Variants in GRIK2 observed in about 807,000 individuals in gnomAD.
The protein encoded by GRIK2 is glutamate receptor ionotropic, kainate 2.
GRIK2 carries 32 observed loss-of-function variants against 100.3 expected under a neutral mutation model. The observed-to-expected ratio is 0.32, with a 90% CI of 0.24 to 0.43. The LOEUF is 0.43. GRIK2 is among the 20% of genes least tolerant of loss of function. The pLI is 1.00. For missense variants in GRIK2, 843 were observed against 1,114.9 expected (o/e 0.76, Z 3.47); for synonymous variants, 417 against 389.4 (o/e 1.07, Z -0.83).
chr6:101,457,362 T>C (rs918699411), intron 2 of GRIK2, among the ~76,000 whole-genome samples: 1 of 152,132 alleles, frequency 6.6e-6, no homozygotes, highest in Non-Finnish European at 1.5e-5. Flanking sequence ...TTCATGTGCA[T>C]TTAGTGGTGT....
chr6:102,058,766 AT>A (rs1771597288), intron 16 of GRIK2, among the ~76,000 whole-genome samples: 1 of 151,516 alleles, frequency 6.6e-6, no homozygotes, highest in Non-Finnish European at 1.5e-5. Flanking sequence ...TGTGAGATCC[AT>A]TATTTACTCA....
At chr6:102,022,557 CA>C (rs1769484389) in intron 14 of GRIK2, among the ~76,000 whole-genome samples, 1 of 151,680 alleles carries the variant, frequency 6.6e-6, no homozygotes, top group Middle Eastern at 3.4e-3. Flanking sequence ...TATCTTAATG[CA>C]AAAGAAATTG....
At chr6:101,826,322 A>G (rs1782326972) in intron 10 of GRIK2, among the ~76,000 whole-genome samples, 1 of 152,080 alleles carries the variant, frequency 6.6e-6, no homozygotes, top group African/African-American at 2.4e-5. Flanking sequence ...AAAACTAAGT[A>G]TAAGGTTTCT....
In GRIK2 at chr6:101,611,235, A is replaced by AT. The variant is rs529587753; in HGVS notation, c.116-10714_116-10713insT. Among the ~76,000 whole-genome samples, 660 of 151,988 alleles carry AT rather than the reference A, an allele frequency of 4.3e-3. 6 individuals carry two copies. Among genetic ancestry groups the AT allele is most frequent in the African/African-American group, 0.015 (638 of 41,536 alleles). ...GCCAGAAAACAACCAATCTTTGTCA[A>AT]GGGGCTATTACACTATTTCCTGCAA... is the stretch of plus-strand genomic sequence containing the variant. On this transcript the variant is annotated intron_variant, in intron 2 of 16. Coordinates refer to ENST00000369134, the MANE Select transcript of GRIK2 (RefSeq NM_021956.5).
chr6:101,541,504 G>C (rs1368987338), intron 2 of GRIK2, among the ~76,000 whole-genome samples: 1 of 151,700 alleles, frequency 6.6e-6, no homozygotes, highest in Non-Finnish European at 1.5e-5. Context: ...AGATAAAACA[G>C]TTAGTAATTT....
chr6:101,915,856 G>A (rs575384759), intron 12 of GRIK2, among the ~76,000 whole-genome samples: 2 of 151,364 alleles, frequency 1.3e-5, no homozygotes, highest in Non-Finnish European at 3.0e-5. Context: ...AATCTATCCC[G>A]GAAGGTATTT....
chr6:101,729,928 G>A (rs1048235395), intron 7 of GRIK2, among the ~76,000 whole-genome samples: 13 of 151,874 alleles, frequency 8.6e-5, no homozygotes, highest in Non-Finnish European at 1.8e-4. Context: ...CTACTAAACA[G>A]CAGTGATGAG....
chr6:102,065,897 TATC>T (rs1276793003), intron 16 of GRIK2: 2 of 1,442,150 alleles, frequency 1.4e-6, no homozygotes, highest in African/African-American at 1.5e-5. Context: ...TCATCATCAT[TATC>T]ATCATGTTCT....
chr6:101,481,149 A>T, intron 2 of GRIK2, among the ~76,000 whole-genome samples: 1 of 152,312 alleles, frequency 6.6e-6, no homozygotes, highest in Non-Finnish European at 1.5e-5. Flanking sequence ...AACTGAGGCC[A>T]TATACTGTTC....
At chr6:101,691,735 T>C (rs1772112199) in intron 7 of GRIK2, among the ~76,000 whole-genome samples, 1 of 152,174 alleles carries the variant, frequency 6.6e-6, no homozygotes, top group South Asian at 2.1e-4. Context: ...CCCTAACAGT[T>C]ATTTCTTTAT....
At chr6:101,804,508 A>G (rs1162901859) in intron 9 of GRIK2, among the ~76,000 whole-genome samples, 1 of 152,052 alleles carries the variant, frequency 6.6e-6, no homozygotes, top group African/African-American at 2.4e-5. Context: ...GACAGAAGGC[A>G]TTAACTGAAC....
At chr6:101,516,350 A>G (rs1774585414) in intron 2 of GRIK2, among the ~76,000 whole-genome samples, 1 of 152,142 alleles carries the variant, frequency 6.6e-6, no homozygotes, top group South Asian at 2.1e-4. Context: ...CTATAAGGCC[A>G]TAGTCACCAA....
intron 2 of GRIK2, among the ~76,000 whole-genome samples, chr6:101,608,595 G>A (rs581633): frequency 0.37 from 56,233 of 151,638 alleles, 11,213 homozygotes; most frequent in African/African-American, 0.52. Context: ...AGCACCTACT[G>A]TGTTACACTC....
chr6:102,034,334 C>T (rs757351885), intron 14 of GRIK2, among the ~76,000 whole-genome samples: 9 of 151,278 alleles, frequency 5.9e-5, no homozygotes, highest in African/African-American at 9.7e-5. Context: ...TTTCCTTGCA[C>T]ATGTAGAAAT....
chr6:101,395,204 A>G (rs1488138352), intron 1 of GRIK2, among the ~76,000 whole-genome samples: 1 of 152,212 alleles, frequency 6.6e-6, no homozygotes, highest in Non-Finnish European at 1.5e-5. Flanking sequence ...TTATTCTCTG[A>G]GATCTTTAAT....
Position 101,710,288 on chromosome 6 carries a change from T to G in GRIK2, c.951+23935T>G, listed in dbSNP as rs1773606088. 3.3e-5 allele frequency among the ~76,000 whole-genome samples: 5 copies of G among 151,820 alleles called. No homozygotes were observed. In the South Asian group the frequency reaches 1.0e-3, roughly 31 times the overall value. On this transcript the variant is annotated intron_variant, in intron 7 of 16. Transcript: ENST00000369134. ...AACAGGGGATTGGCAGTCAGAAGCC[T>G]GCATTCTAGTTGTGGCTTTGCTGCT...
At chr6:101,614,499 G>T (rs1042950527) in intron 2 of GRIK2, among the ~76,000 whole-genome samples, 8 of 151,170 alleles carry the variant, frequency 5.3e-5, no homozygotes, top group African/African-American at 1.9e-4. Flanking sequence ...TGCCTAAGGA[G>T]AAAAAAATGA....
intron 14 of GRIK2, among the ~76,000 whole-genome samples, chr6:102,031,127 A>ACACACACACC (rs1313794193): frequency 3.5e-5 from 2 of 57,686 alleles, no homozygotes; most frequent in Non-Finnish European, 9.0e-5. Flanking sequence ...ACACACACAC[A>ACACACACACC]CCCCCTTTGA....
chr6:101,479,210 T>A (rs1772403198), intron 2 of GRIK2, among the ~76,000 whole-genome samples: 1 of 152,230 alleles, frequency 6.6e-6, no homozygotes. Context: ...TGACGTAATT[T>A]TTCTCTATAA....
Sources: allele counts gnomAD v4.1 joint callset (sites outside exome capture counted in the v4.1 genomes callset), GRCh38; gene constraint gnomAD v4.1.1; transcripts MANE v1.5; gene names NCBI Gene and HGNC (gene_info 2026-07-23, HGNC 2026-07-21).